The following KCNC2 variants were observed in gnomAD, a reference collection of about 807,000 sequenced individuals.
KCNC2 encodes voltage-gated potassium channel KCNC2.
In KCNC2, 21 loss-of-function variants were observed where a neutral mutation model predicts 44.5. The observed-to-expected ratio is 0.47, with a 90% CI of 0.33 to 0.68. KCNC2 has a LOEUF of 0.68. KCNC2 is among the 30% of genes least tolerant of loss of function. The probability of loss-of-function intolerance (pLI) is 0.01; values close to 1 mark genes in which losing one functional copy is unlikely to be tolerated. For missense variants in KCNC2, 589 were observed against 826.2 expected (o/e 0.71, Z 3.52); for synonymous variants, 391 against 339.1 (o/e 1.15, Z -1.68).
At chr12:75,150,587 T>C (rs1024355245) in intron 2 of KCNC2, among the ~76,000 whole-genome samples, 16 of 151,926 alleles carry the variant, frequency 1.1e-4, no homozygotes, top group Non-Finnish European at 2.2e-4. Flanking sequence ...TGGCATTATA[T>C]TGTTTTTTAT....
chr12:75,203,378 G>A (rs771025406), intron 2 of KCNC2, among the ~76,000 whole-genome samples: 1 of 151,752 alleles, frequency 6.6e-6, no homozygotes, highest in Non-Finnish European at 1.5e-5. Flanking sequence ...TGGTAATGCT[G>A]TAGAAGTAAT....
At chr12:75,160,168 A>T (rs1891027126) in intron 2 of KCNC2, among the ~76,000 whole-genome samples, 1 of 151,752 alleles carries the variant, frequency 6.6e-6, no homozygotes. Flanking sequence ...CCCTAATCCC[A>T]TATAATTGCC....
At position 75,154,610 on chromosome 12, in the gene KCNC2, G is replaced by A. The variant is rs925356407; in HGVS notation, c.687+52687C>T. ...TAAATTCCCCAATACCATCTGTGCT[G>A]CTACAGCATACATAGATGCCATCAT... is the stretch of plus-strand genomic sequence containing the variant. On this transcript the variant is annotated intron_variant, in intron 2 of 4. Coordinates refer to ENST00000549446, the MANE Select transcript of KCNC2 (RefSeq NM_139137.4). Among the ~76,000 whole-genome samples the A allele has an allele frequency of 2.0e-5, 3 of 152,020 alleles. 1 individual carries two copies. In the South Asian group the frequency reaches 6.2e-4, roughly 31 times the overall value.
chr12:75,116,617 A>G (rs1887677441), intron 2 of KCNC2, among the ~76,000 whole-genome samples: 1 of 152,212 alleles, frequency 6.6e-6, no homozygotes, highest in Non-Finnish European at 1.5e-5. Context: ...ATAAAAGACA[A>G]AACATGATAT....
intron 2 of KCNC2, among the ~76,000 whole-genome samples, chr12:75,073,327 T>A (rs758614452): frequency 6.6e-6 from 1 of 152,160 alleles, no homozygotes; most frequent in African/African-American, 2.4e-5. Flanking sequence ...GAACTTTTGA[T>A]TGTTAAGTGG....
intron 2 of KCNC2, among the ~76,000 whole-genome samples, chr12:75,123,287 T>A (rs1888170269): frequency 6.6e-6 from 1 of 152,226 alleles, no homozygotes; most frequent in Admixed American, 6.5e-5. Context: ...TTAGAATTAA[T>A]GATATGTAAA....
At position 75,041,009 on chromosome 12, in the gene KCNC2, A is replaced by AC. The variant is rs1455829826; in HGVS notation, c.*2095dup. The AC allele has an allele frequency of 9.5e-6, 9 of 946,910 alleles. No homozygotes were observed. Among genetic ancestry groups the AC allele is most frequent in the Middle Eastern group, 2.1e-4 (1 of 4,758 alleles). 58.7% of individuals were successfully genotyped at this position (946,910 alleles called of 1,614,324 possible). On this transcript the variant is annotated 3_prime_UTR_variant, in exon 5 of 5. Transcript: ENST00000549446. ...CAAGCAGAGCACTCTCATGGGGAGC[A>AC]CCAGATGAGTTCCAGCCGCAGTTCT...
chr12:75,100,106 G>T (rs758214358), intron 2 of KCNC2, among the ~76,000 whole-genome samples: 5 of 151,758 alleles, frequency 3.3e-5, no homozygotes, highest in African/African-American at 1.2e-4. Flanking sequence ...TTACTATTGG[G>T]GTTCATCATA....
At chr12:75,181,537 C>T (rs1017502287) in intron 2 of KCNC2, among the ~76,000 whole-genome samples, 2 of 152,162 alleles carry the variant, frequency 1.3e-5, no homozygotes, top group African/African-American at 4.8e-5. Flanking sequence ...TGGACAGTGT[C>T]TACTGCCTGA....
At chr12:75,186,706 A>G (rs986643028) in intron 2 of KCNC2, among the ~76,000 whole-genome samples, 1 of 152,340 alleles carries the variant, frequency 6.6e-6, no homozygotes, top group African/African-American at 2.4e-5. Context: ...CCCTTGATTG[A>G]AAGAAAAACT....
chr12:75,125,573 T>G (rs541888104), intron 2 of KCNC2, among the ~76,000 whole-genome samples: 1 of 152,210 alleles, frequency 6.6e-6, no homozygotes, highest in African/African-American at 2.4e-5. Context: ...TCTTTCATGT[T>G]TGGATATTTC....
rs143804850 is a variant in KCNC2, at chr12:75,201,732, C to T, written c.687+5565G>A. On this transcript the variant is annotated intron_variant, in intron 2 of 4. Transcript: ENST00000549446. ...GATTATTACCATCCCTCAACCTGCA[C>T]GGAAGGCAAAAAAGCAGTGCTTTTC... Among the ~76,000 whole-genome samples the T allele has an allele frequency of 7.4e-4, 112 of 151,860 alleles. 1 individual carries two copies. The highest frequency in any genetic ancestry group is 6.8e-3 in the Middle Eastern group (2 of 294).
intron 2 of KCNC2, among the ~76,000 whole-genome samples, chr12:75,124,516 G>C (rs906053608): frequency 3.3e-5 from 5 of 152,038 alleles, no homozygotes; most frequent in African/African-American, 1.2e-4. Flanking sequence ...GATATCCCTC[G>C]CAGATGTATG....
At position 75,174,696 on chromosome 12, in the gene KCNC2, T is replaced by C. The variant is rs565342134; in HGVS notation, c.687+32601A>G. ...CCAACTACTGGTACTTATTAAAATGTGTCTTCTGAGTTGTAAGAAGAAATG... is the reference window on the plus strand; with the variant it reads ...CCAACTACTGGTACTTATTAAAATGCGTCTTCTGAGTTGTAAGAAGAAATG... On this transcript the variant is annotated intron_variant, in intron 2 of 4. Coordinates refer to ENST00000549446, the MANE Select transcript of KCNC2 (RefSeq NM_139137.4). Among the ~76,000 whole-genome samples the C allele has an allele frequency of 5.3e-4, 81 of 152,044 alleles. 1 individual carries two copies. The highest frequency in any genetic ancestry group is 1.4e-3 in the Admixed American group (22 of 15,234).
rs184375627 is a variant in KCNC2 at position 75,041,382 on chromosome 12, C to A, written c.*1723G>T. The A allele has an allele frequency of 2.8e-6, 4 of 1,419,164 alleles. No homozygotes were observed. In the East Asian group the frequency reaches 1.0e-4, roughly 37 times the overall value. The allele number at this position is 1,419,164 out of a possible 1,614,324, so 87.9% of individuals were successfully genotyped here. A position where few individuals can be genotyped will look rare whatever the true frequency, so the allele number is the denominator to read the frequency against. ...CAACATCTCCAACATGCAGGTCATGCTCTAGGACTTGGGGATATAGAGTAA... is the reference window on the plus strand; with the variant it reads ...CAACATCTCCAACATGCAGGTCATGATCTAGGACTTGGGGATATAGAGTAA... On this transcript the variant is annotated 3_prime_UTR_variant, in exon 5 of 5. Transcript: ENST00000549446.
chr12:75,167,911 A>C (rs1177953901), intron 2 of KCNC2, among the ~76,000 whole-genome samples: 2 of 151,314 alleles, frequency 1.3e-5, no homozygotes, highest in East Asian at 3.9e-4. Flanking sequence ...ATTTATCTTA[A>C]ATCTTCAATC....
chr12:75,196,201 G>T (rs1290796134), intron 2 of KCNC2, among the ~76,000 whole-genome samples: 1 of 152,064 alleles, frequency 6.6e-6, no homozygotes, highest in Middle Eastern at 3.2e-3. Context: ...TGTGTTAAAG[G>T]CTGGGAATAT....
At chr12:75,043,618 G>A in intron 4 of KCNC2, 1 of 1,225,248 alleles carries the variant, frequency 8.2e-7, no homozygotes, top group East Asian at 3.0e-5. Flanking sequence ...TTGAAAAAAA[G>A]AGAAATAAGT....
chr12:75,190,859 AT>A (rs2030137423), intron 2 of KCNC2, among the ~76,000 whole-genome samples: 1 of 152,018 alleles, frequency 6.6e-6, no homozygotes, highest in Non-Finnish European at 1.5e-5. Flanking sequence ...TGTATATAGT[AT>A]AAATTAAAAG....
Sources: gnomAD v4.1 joint callset for allele counts (sites outside exome capture counted in the v4.1 genomes callset) on GRCh38, gnomAD v4.1.1 for gene constraint, MANE v1.5 for transcripts, NCBI Gene and HGNC (gene_info 2026-07-23, HGNC 2026-07-21) for gene names.